The following CPSF3 variants were observed in gnomAD, a reference collection of about 807,000 sequenced individuals.
CPSF3 encodes the protein cleavage and polyadenylation specificity factor subunit 3.
In CPSF3, 57 loss-of-function variants were observed where a neutral mutation model predicts 84.1. The ratio of observed to expected loss-of-function variants is 0.68; its 90% CI spans 0.55 to 0.85. CPSF3 has a LOEUF of 0.85. CPSF3 is among the 40% of genes least tolerant of loss of function. The pLI is 0.00. For synonymous variants in CPSF3, 275 were observed against 278.1 expected (o/e 0.99, Z 0.11); for missense variants, 522 against 838.8 (o/e 0.62, Z 4.66).
Position 9,437,941 on chromosome 2 carries a change from G to A in CPSF3, c.760+1580G>A, listed in dbSNP as rs138349349. Among the ~76,000 whole-genome samples the A allele has an allele frequency of 1.9e-4, 29 of 152,326 alleles. No homozygotes were observed. In the East Asian group the frequency reaches 5.2e-3, roughly 27 times the overall value. On this transcript the variant is annotated intron_variant, in intron 7 of 17. Transcript: ENST00000238112. ...CACTTGAGCCTGGGAGGTAGAGGTT[G>A]CAGTGAGCCAAGATTGTGCCACTGC...
chr2:9,440,743 G>A (rs564388298), intron 8 of CPSF3, 77 bp downstream of exon 8: 2 of 1,430,746 alleles, frequency 1.4e-6, no homozygotes, highest in East Asian at 2.3e-5. Context: ...GAGGCCGTGA[G>A]TGATGGCTCA....
At chr2:9,472,578 C>T (rs921661023) in intron 17 of CPSF3, among the ~76,000 whole-genome samples, 6 of 152,292 alleles carry the variant, frequency 3.9e-5, no homozygotes, top group East Asian at 1.9e-4. Context: ...AAGCACTGCA[C>T]GCCCACAAGT....
At chr2:9,460,407 C>T (rs561762426) in intron 15 of CPSF3, among the ~76,000 whole-genome samples, 4 of 151,668 alleles carry the variant, frequency 2.6e-5, no homozygotes, top group South Asian at 4.2e-4. Flanking sequence ...CCAGCCTGGG[C>T]GACAGAGCAA....
chr2:9,427,907 G>T (rs2148933161), intron 1 of CPSF3, among the ~76,000 whole-genome samples: 1 of 151,932 alleles, frequency 6.6e-6, no homozygotes, highest in African/African-American at 2.4e-5. Flanking sequence ...AATTATGTAA[G>T]TAGTTGGTAT....
chr2:9,442,033 C>T (rs765684488), intron 9 of CPSF3, 57 bp downstream of exon 9: 260 of 1,564,912 alleles, frequency 1.7e-4, no homozygotes, highest in Non-Finnish European at 2.2e-4. Context: ...GGAGGTGGCA[C>T]GGTCCTCACA....
chr2:9,434,345 G>A (rs1447586753), intron 6 of CPSF3, among the ~76,000 whole-genome samples: 2 of 151,874 alleles, frequency 1.3e-5, no homozygotes, highest in East Asian at 3.9e-4. Context: ...CTCGAGCCTG[G>A]GCTACAAAGC....
chr2:9,456,652 A>T (rs1326387942), intron 13 of CPSF3, among the ~76,000 whole-genome samples: 1 of 152,210 alleles, frequency 6.6e-6, no homozygotes, highest in Non-Finnish European at 1.5e-5. Context: ...TGGAAGGCTA[A>T]ATCTCTTGTA....
chr2:9,435,792 G>A (rs867657967), intron 6 of CPSF3, among the ~76,000 whole-genome samples: 4 of 152,048 alleles, frequency 2.6e-5, no homozygotes, highest in Middle Eastern at 3.4e-3. Context: ...GAGTGCAATG[G>A]TGCGATCTCG....
Position 9,464,357 on chromosome 2 carries a change from T to C in CPSF3, c.1787-3350T>C, listed in dbSNP as rs531733049. On this transcript the variant is annotated intron_variant, in intron 15 of 17. Coordinates refer to ENST00000238112, the MANE Select transcript of CPSF3 (RefSeq NM_016207.4). Reference sequence around the variant, plus strand: ...ATGCAGGAATTTGCAAATATATATATACATATATATACACACGTAAACTTT... The same window carrying C: ...ATGCAGGAATTTGCAAATATATATACACATATATATACACACGTAAACTTT... Among the ~76,000 whole-genome samples the C allele has an allele frequency of 7.2e-4, 110 of 152,174 alleles. 1 individual carries two copies. Among genetic ancestry groups the C allele is most frequent in the Admixed American group, 6.9e-3 (106 of 15,282 alleles).
At chr2:9,425,676 A>G (rs535670080) in intron 1 of CPSF3, among the ~76,000 whole-genome samples, 3 of 152,170 alleles carry the variant, frequency 2.0e-5, no homozygotes, top group East Asian at 3.9e-4. Context: ...CTCAAGGAGT[A>G]TAAGAGATGG....
chr2:9,463,334 G>C (rs1206166838), intron 15 of CPSF3, among the ~76,000 whole-genome samples: 1 of 152,238 alleles, frequency 6.6e-6, no homozygotes, highest in East Asian at 1.9e-4. Flanking sequence ...AGAGGCTCCA[G>C]CTGGGAGCTT....
At position 9,459,638 on chromosome 2, in the gene CPSF3, CTTTTTTTTT is replaced by C. The variant is rs543727439; in HGVS notation, c.1786+40_1786+48del. 85 of 310,490 alleles carry C rather than the reference CTTTTTTTTT, an allele frequency of 2.7e-4. No individual in the cohort carries two copies. The highest frequency in any genetic ancestry group is 1.9e-3 in the African/African-American group (43 of 23,172). 19.2% of individuals were successfully genotyped at this position (310,490 alleles called of 1,614,324 possible). A position where few individuals can be genotyped will look rare whatever the true frequency, so the allele number is the denominator to read the frequency against. ...GAAAAGGTAAGAGTTCATTTTTATC[CTTTTTTTTT>C]TTTTTTTTTTTTTTTTTTTGGAGAC... On this transcript the variant is annotated intron_variant, in intron 15 of 17. Transcript: ENST00000238112.
chr2:9,452,325 CA>C (rs58267919), intron 11 of CPSF3, among the ~76,000 whole-genome samples: 3,719 of 72,866 alleles, frequency 0.051, 115 homozygotes, highest in African/African-American at 0.12. Flanking sequence ...GACACTGTCT[CA>C]AAAAAAAAAA....
intron 15 of CPSF3, among the ~76,000 whole-genome samples, chr2:9,466,323 C>G: frequency 1.1e-5 from 1 of 89,864 alleles, no homozygotes; most frequent in Non-Finnish European, 2.8e-5. Flanking sequence ...GACGCACGCA[C>G]ACAGACGCAC....
intron 16 of CPSF3, among the ~76,000 whole-genome samples, chr2:9,470,014 G>A (rs780467197): frequency 3.9e-5 from 6 of 152,168 alleles, no homozygotes; most frequent in Non-Finnish European, 7.3e-5. Context: ...AGGGGTTCGA[G>A]ACCAGCCTGG....
At chr2:9,441,597 T>C in intron 8 of CPSF3, 1 of 507,360 alleles carries the variant, frequency 2.0e-6, no homozygotes, top group East Asian at 3.4e-5. Flanking sequence ...GTTTTGAAGA[T>C]CGGGGTGAAC....
intron 9 of CPSF3, 38 bp from the exon 10 acceptor site, chr2:9,443,476 TG>T: frequency 6.3e-7 from 1 of 1,585,864 alleles, no homozygotes; most frequent in Non-Finnish European, 8.6e-7. Context: ...CGATTATAAC[TG>T]GGTAGTTTGT....
intron 15 of CPSF3, among the ~76,000 whole-genome samples, chr2:9,466,231 CACGT>C (rs1681916111): frequency 6.8e-6 from 1 of 148,054 alleles, no homozygotes; most frequent in African/African-American, 2.5e-5. Flanking sequence ...CGCACACACA[CACGT>C]GCGCGCACGC....
chr2:9,434,817 G>A (rs1158766161), intron 6 of CPSF3, among the ~76,000 whole-genome samples: 1 of 152,182 alleles, frequency 6.6e-6, no homozygotes, highest in African/African-American at 2.4e-5. Context: ...AATCTTGCAA[G>A]CTTTTGGTGT....
Sources: allele counts gnomAD v4.1 joint callset (sites outside exome capture counted in the v4.1 genomes callset), GRCh38; gene constraint gnomAD v4.1.1; transcripts MANE v1.5; gene names NCBI Gene and HGNC (gene_info 2026-07-23, HGNC 2026-07-21).